The following TP53BP1 variants were observed in gnomAD, a reference collection of about 807,000 sequenced individuals.
TP53BP1 encodes TP53-binding protein 1.
TP53BP1 carries 61 observed loss-of-function variants against 200.8 expected under a neutral mutation model. The ratio of observed to expected loss-of-function variants is 0.30; its 90% CI spans 0.25 to 0.38. TP53BP1 has a LOEUF of 0.38. Among genes scored for constraint, TP53BP1 ranks in the 10% least tolerant of loss-of-function variants. TP53BP1 has a pLI of 1.00. For synonymous variants in TP53BP1, 822 were observed against 844.3 expected (o/e 0.97, Z 0.46); for missense variants, 2,144 against 2,371.9 (o/e 0.90, Z 2.00).
At chr15:43,478,968 T>G (rs183498230) in intron 7 of TP53BP1, among the ~76,000 whole-genome samples, 1 of 152,140 alleles carries the variant, frequency 6.6e-6, no homozygotes, top group Admixed American at 6.5e-5. Flanking sequence ...CCCAGCACTT[T>G]GGGAAGCTGA....
intron 10 of TP53BP1, among the ~76,000 whole-genome samples, chr15:43,472,986 T>G (rs1260107179): frequency 1.3e-5 from 2 of 152,010 alleles, no homozygotes; most frequent in Non-Finnish European, 2.9e-5. Context: ...GTTCGGAGTT[T>G]CTTCCTTCTG....
upstream of TP53BP1, chr15:43,493,299 T>C: frequency 8.1e-7 from 1 of 1,234,146 alleles, no homozygotes; most frequent in Non-Finnish European, 1.1e-6. Context: ...CGCGTTTCCA[T>C]GGCAGCATGG....
intron 1 of TP53BP1, among the ~76,000 whole-genome samples, chr15:43,506,739 A>C (rs998178266): frequency 3.3e-5 from 5 of 152,238 alleles, no homozygotes; most frequent in Non-Finnish European, 7.3e-5. Context: ...ATAGCCATCA[A>C]ACACTACTAC....
At chr15:43,422,985 C>A (rs1399177291) in intron 18 of TP53BP1, among the ~76,000 whole-genome samples, 2 of 151,176 alleles carry the variant, frequency 1.3e-5, no homozygotes, top group Non-Finnish European at 2.9e-5. Context: ...TAGCATGAGA[C>A]CCTGTCTCAA....
chr15:43,505,029 A>G (rs2079229004), intron 1 of TP53BP1, among the ~76,000 whole-genome samples: 1 of 152,220 alleles, frequency 6.6e-6, no homozygotes, highest in Non-Finnish European at 1.5e-5. Context: ...CAAAAAATAA[A>G]TAAATAAAAT....
At chr15:43,481,844 C>G (rs1329415559) in intron 4 of TP53BP1, among the ~76,000 whole-genome samples, 9 of 149,752 alleles carry the variant, frequency 6.0e-5, no homozygotes, top group African/African-American at 2.2e-4. Context: ...GAGACAGAGT[C>G]TGTCTCCCAG....
intron 11 of TP53BP1, among the ~76,000 whole-genome samples, chr15:43,459,923 T>C (rs2046390267): frequency 6.6e-6 from 1 of 152,156 alleles, no homozygotes; most frequent in Non-Finnish European, 1.5e-5. Context: ...AGAAAGCTGA[T>C]GTGTGATTGC....
intron 13 of TP53BP1, chr15:43,446,915 C>T: frequency 2.8e-6 from 2 of 714,888 alleles, no homozygotes; most frequent in Non-Finnish European, 4.6e-6. Context: ...CCAGCACTGA[C>T]TAGAGAAAAC....
At chr15:43,498,530 A>G (rs764838960) in intron 1 of TP53BP1, among the ~76,000 whole-genome samples, 94 of 152,014 alleles carry the variant, frequency 6.2e-4, no homozygotes, top group South Asian at 6.2e-4. Context: ...TATTCTCCAA[A>G]GAGAAAGAGA....
chr15:43,407,497 T>C lies in TP53BP1; in HGVS notation c.5820A>G (p.Glu1940=). Residue 1940 remains glutamate (E), a synonymous_variant, in exon 28 of 28, where the codon GAA becomes GAG. Transcript: ENST00000382044. ...SCPASVLKCA[E]ALQLPVVSQE... ...GTGACACCACAGGCAGCTGCAATGC[T>C]TCAGCACACTTCAGCACCGAGGCTG... 1 of 1,614,210 alleles carries C rather than the reference T, an allele frequency of 6.2e-7. No individual in the cohort carries two copies. Among genetic ancestry groups the C allele is most frequent in the Non-Finnish European group, 8.5e-7 (1 of 1,180,044 alleles).
At position 43,456,413 on chromosome 15, in the gene TP53BP1, G is replaced by C; in HGVS notation, c.2195C>G (p.Ser732Cys). ...GTCAAGTATTGCCAACTTTTGAGGG[G>C]AATCAATACTAATCACACTGGTTTC... is the stretch of plus-strand genomic sequence containing the variant. ...EVETSVISID[S>C]PQKLAILDQE... is the part of the protein sequence containing the mutation. Residue 732 changes from serine to cysteine, a missense_variant, in exon 12 of 28, where the codon TCC becomes TGC. Ser to Cys is a moderately radical substitution (Grantham distance 112, BLOSUM62 -1). Coordinates refer to ENST00000382044, the MANE Select transcript of TP53BP1 (RefSeq NM_001141980.3). 3 of 1,593,060 alleles carry C rather than the reference G, an allele frequency of 1.9e-6. No homozygotes were observed. The highest frequency in any genetic ancestry group is 2.6e-6 in the Non-Finnish European group (3 of 1,172,958).
rs1315316105 is a variant in TP53BP1 at position 43,477,695 on chromosome 15, A to G, written c.853T>C (p.Ser285Pro). The stretch of plus-strand genomic sequence containing the variant: ...CCACTTTCCATAAGTTCTTGTGCAG[A>G]CAACTGTTCTTTTGCTTCCATAGCA... ...VAAMEAKEQL[S>P]AQELMESGLQ... Residue 285 changes from serine to proline, a missense_variant, in exon 8 of 28, where the codon TCT becomes CCT. By Grantham distance (74) the Ser-to-Pro change is moderately conservative (BLOSUM62 -1). This residue lies in a region of TP53BP1 where 1,700 missense variants were observed against 1,710.3 expected (regional missense o/e 0.99). Coordinates refer to ENST00000382044, the MANE Select transcript of TP53BP1 (RefSeq NM_001141980.3). 1 of 1,613,520 alleles carries G rather than the reference A, an allele frequency of 6.2e-7. No homozygotes were observed. The highest frequency in any genetic ancestry group is 2.2e-5 in the East Asian group (1 of 44,842).
intron 18 of TP53BP1, among the ~76,000 whole-genome samples, chr15:43,423,609 G>A (rs1308455982): frequency 2.0e-5 from 3 of 150,426 alleles, no homozygotes; most frequent in Non-Finnish European, 4.4e-5. Flanking sequence ...AGTGAGCTAA[G>A]ATTGTGCCAC....
Position 43,474,732 on chromosome 15 carries a change from G to C in TP53BP1, c.1121C>G (p.Ala374Gly), listed in dbSNP as rs1189272860. Residue 374 changes from alanine to glycine, a missense_variant, in exon 10 of 28, where the codon GCT (alanine) becomes GGT (glycine). Ala to Gly is a moderately conservative substitution (Grantham distance 60, BLOSUM62 0). Around this residue, in one of 4 missense-constraint regions of TP53BP1, gnomAD observed 1,700 missense variants for 1,710.3 expected, o/e 0.99. Transcript: ENST00000382044. ...AACGATAAAAGGAGTAGATCGGAAA[G>C]CATCAGGAGAAGGAGCAACAAGATC... ...SSDLVAPSPD[A>G]FRSTPFIVPS... The C allele has an allele frequency of 1.9e-6, 3 of 1,613,508 alleles. No individual in the cohort carries two copies. The highest frequency in any genetic ancestry group is 3.3e-5 in the Admixed American group (2 of 60,014).
At chr15:43,452,174 AC>A (rs2046185765) in intron 12 of TP53BP1, among the ~76,000 whole-genome samples, 1 of 151,924 alleles carries the variant, frequency 6.6e-6, no homozygotes, top group African/African-American at 2.4e-5. Context: ...ACATTTAGCA[AC>A]TAAACAACTA....
intron 1 of TP53BP1, among the ~76,000 whole-genome samples, chr15:43,499,025 A>C (rs72709871): frequency 0.21 from 32,168 of 151,906 alleles, 3,923 homozygotes; most frequent in African/African-American, 0.32. Context: ...ACAACAAAAA[A>C]AAAAAAACAA....
At chr15:43,493,496 T>C (rs542538665), upstream of TP53BP1, among the ~76,000 whole-genome samples, 2 of 152,256 alleles carry the variant, frequency 1.3e-5, no homozygotes, top group South Asian at 2.1e-4. Flanking sequence ...CCTCACCCTC[T>C]TTCCTGGAAA....
chr15:43,409,345 C>T (rs2045035282), intron 25 of TP53BP1: 1 of 578,816 alleles, frequency 1.7e-6, no homozygotes, highest in South Asian at 2.2e-5. Flanking sequence ...AACCTATGAA[C>T]TCAGCCTTTC....
exon 1 of TP53BP1, chr15:43,510,568 G>C (rs980007572): frequency 5.4e-6 from 1 of 185,318 alleles, no homozygotes; most frequent in Non-Finnish European, 1.1e-5. Context: ...ACAGATGGAG[G>C]CAACGATACA....
Sources: gnomAD v4.1 joint callset for allele counts (sites outside exome capture counted in the v4.1 genomes callset) on GRCh38, gnomAD v4.1.1 for gene constraint, gnomAD v4.1.1 regional missense constraint, MANE v1.5 for transcripts, NCBI Gene and HGNC (gene_info 2026-07-23, HGNC 2026-07-21) for gene names.